The following ARL15 variants were observed in gnomAD, a reference collection of about 807,000 sequenced individuals.
ARL15 encodes ADP-ribosylation factor-like protein 15.
In ARL15, 19 loss-of-function variants were observed where a neutral mutation model predicts 25.2. That is an observed-to-expected ratio of 0.75 (90% CI 0.53 to 1.10). The LOEUF (loss-of-function observed/expected upper bound fraction) is 1.10. Ranked by LOEUF, ARL15 falls within the 50% of genes least tolerant of loss-of-function variation. ARL15 has a pLI of 0.00. For synonymous variants in ARL15, 94 were observed against 86.8 expected, an observed-to-expected ratio of 1.08 and a Z score of -0.46; for missense variants, 220 against 246.0, an observed-to-expected ratio of 0.89 and a Z score of 0.71.
chr5:54,122,220 T>C (rs1753102264), intron 3 of ARL15, among the ~76,000 whole-genome samples: 1 of 152,252 alleles, frequency 6.6e-6, no homozygotes, highest in South Asian at 2.1e-4. Context: ...TCTTCCTCCC[T>C]CATTGCTGTC....
At chr5:54,165,630 T>C (rs913253283) in intron 2 of ARL15, among the ~76,000 whole-genome samples, 1 of 151,514 alleles carries the variant, frequency 6.6e-6, no homozygotes, top group Non-Finnish European at 1.5e-5. Flanking sequence ...GTATTTTCTT[T>C]GTACTACTTT....
chr5:54,125,080 G>GT (rs1469132382), intron 3 of ARL15, among the ~76,000 whole-genome samples: 12 of 142,052 alleles, frequency 8.4e-5, no homozygotes, highest in African/African-American at 2.7e-4. Flanking sequence ...GTTTTGTTTT[G>GT]TTTTGTTTTT....
At chr5:54,166,200 T>C (rs1258619301) in intron 2 of ARL15, among the ~76,000 whole-genome samples, 2 of 152,058 alleles carry the variant, frequency 1.3e-5, no homozygotes, top group Admixed American at 6.6e-5. Context: ...CTCTCTTTTT[T>C]TCCCCCACAA....
chr5:54,242,414 C>T (rs1249776720), intron 1 of ARL15, among the ~76,000 whole-genome samples: 1 of 152,204 alleles, frequency 6.6e-6, no homozygotes, highest in Non-Finnish European at 1.5e-5. Context: ...CCGGGATGAG[C>T]AACCTCAAAC....
chr5:54,083,499 G>C (rs1751868404), intron 4 of ARL15, among the ~76,000 whole-genome samples: 2 of 152,158 alleles, frequency 1.3e-5, no homozygotes, highest in African/African-American at 4.8e-5. Flanking sequence ...AAATGAATCT[G>C]AATATACTTA....
chr5:53,987,842 C>T (rs966837173), intron 4 of ARL15, among the ~76,000 whole-genome samples: 1 of 152,112 alleles, frequency 6.6e-6, no homozygotes, highest in African/African-American at 2.4e-5. Context: ...GTGGCTCATG[C>T]CTGTAATCCC....
At chr5:54,170,865 C>A (rs1030080002) in intron 2 of ARL15, among the ~76,000 whole-genome samples, 1 of 152,184 alleles carries the variant, frequency 6.6e-6, no homozygotes, top group African/African-American at 2.4e-5. Flanking sequence ...GGACCTAGCA[C>A]ATAGTAGGTG....
chr5:54,094,237 C>T (rs536960862), intron 4 of ARL15, among the ~76,000 whole-genome samples: 1 of 152,170 alleles, frequency 6.6e-6, no homozygotes, highest in African/African-American at 2.4e-5. Context: ...TTTGGATTGC[C>T]TTAAAAATTG....
rs552100770 is a variant in ARL15, at chr5:53,983,060, C to T, written c.463-96347G>A. Among the ~76,000 whole-genome samples, 24 of 152,090 alleles carry T rather than the reference C, an allele frequency of 1.6e-4. 1 individual carries two copies. In the South Asian group the frequency reaches 4.4e-3, roughly 28 times the overall value. On this transcript the variant is annotated intron_variant, in intron 4 of 4. Coordinates refer to ENST00000504924, the MANE Select transcript of ARL15 (RefSeq NM_019087.3). ...TTTTTTTCTTGTAAACTGCACCCAG[C>T]GGTTTTTTCTTATGTAAACTGCCAG...
rs77595211 is a variant in ARL15, at chr5:54,261,360, A to G, written c.48+49072T>C. ...CACTGGGTAGGATTTTTGATAAGGT[A>G]TCTCACCCGGCTCAAATATATTAAG... is the stretch of plus-strand genomic sequence containing the variant. On this transcript the variant is annotated intron_variant, in intron 1 of 4. Coordinates refer to ENST00000504924, the MANE Select transcript of ARL15 (RefSeq NM_019087.3). Among the ~76,000 whole-genome samples the G allele has an allele frequency of 6.3e-3, 957 of 152,308 alleles. 7 individuals carry two copies. The highest frequency in any genetic ancestry group is 0.022 in the African/African-American group (916 of 41,574).
chr5:54,049,995 G>C (rs921529541), intron 4 of ARL15, among the ~76,000 whole-genome samples: 1 of 152,152 alleles, frequency 6.6e-6, no homozygotes, highest in Non-Finnish European at 1.5e-5. Flanking sequence ...TGTTCAGATG[G>C]TACTGTACTA....
At chr5:54,036,586 A>G (rs545196690) in intron 4 of ARL15, among the ~76,000 whole-genome samples, 18 of 139,926 alleles carry the variant, frequency 1.3e-4, no homozygotes, top group South Asian at 4.3e-4. Flanking sequence ...CACTTGGGGG[A>G]AAAAAAAAAC....
intron 2 of ARL15, among the ~76,000 whole-genome samples, chr5:54,164,980 T>C (rs1754524140): frequency 6.6e-6 from 1 of 151,984 alleles, no homozygotes; most frequent in Non-Finnish European, 1.5e-5. Context: ...TTTTTGATAA[T>C]TCTATTTTCA....
intron 4 of ARL15, among the ~76,000 whole-genome samples, chr5:53,972,589 T>C (rs995856503): frequency 1.3e-5 from 2 of 152,118 alleles, no homozygotes; most frequent in Non-Finnish European, 2.9e-5. Flanking sequence ...TCAAAAACAG[T>C]TGAATTGTGT....
chr5:54,269,165 T>G (rs1180181170), intron 1 of ARL15, among the ~76,000 whole-genome samples: 2 of 152,054 alleles, frequency 1.3e-5, no homozygotes, highest in African/African-American at 4.8e-5. Context: ...GGCACATGTA[T>G]ACATATGTAA....
At chr5:53,983,164 G>T (rs1748181576) in intron 4 of ARL15, among the ~76,000 whole-genome samples, 1 of 152,032 alleles carries the variant, frequency 6.6e-6, no homozygotes, top group Non-Finnish European at 1.5e-5. Flanking sequence ...GTCAGTTTTT[G>T]TTAAGATAGA....
intron 4 of ARL15, among the ~76,000 whole-genome samples, chr5:54,090,271 G>C (rs1752091808): frequency 6.6e-6 from 1 of 152,138 alleles, no homozygotes; most frequent in South Asian, 2.1e-4. Flanking sequence ...TCAGAGATGA[G>C]TATGGATGAA....
intron 4 of ARL15, among the ~76,000 whole-genome samples, chr5:54,111,009 C>T (rs1483352350): frequency 6.6e-6 from 1 of 151,860 alleles, no homozygotes; most frequent in Non-Finnish European, 1.5e-5. Context: ...AGGCCAGACC[C>T]AAAGTAAGTA....
At chr5:54,132,463 C>T (rs1417369399) in intron 3 of ARL15, among the ~76,000 whole-genome samples, 4 of 151,930 alleles carry the variant, frequency 2.6e-5, no homozygotes, top group Admixed American at 2.6e-4. Flanking sequence ...TAAAAACAGT[C>T]ATATTTTTAA....
Sources: gnomAD v4.1 joint callset for allele counts (sites outside exome capture counted in the v4.1 genomes callset) on GRCh38, gnomAD v4.1.1 for gene constraint, MANE v1.5 for transcripts, NCBI Gene and HGNC (gene_info 2026-07-23, HGNC 2026-07-21) for gene names.